The following SORBS2 variants were observed in gnomAD, a reference collection of about 807,000 sequenced individuals.
SORBS2 encodes the protein sorbin and SH3 domain-containing protein 2.
SORBS2 carries 46 observed loss-of-function variants against 97.7 expected under a neutral mutation model. The observed-to-expected ratio is 0.47, with a 90% confidence interval of 0.37 to 0.60. The LOEUF (loss-of-function observed/expected upper bound fraction) is 0.60. SORBS2 is among the 20% of genes least tolerant of loss of function. SORBS2 has a pLI of 0.00. For synonymous variants in SORBS2, 476 were observed against 473.4 expected (o/e 1.01, Z -0.07); for missense variants, 1,316 against 1,282.3 (o/e 1.03, Z -0.40).
At chr4:185,685,928 T>A (rs886573090) in intron 2 of SORBS2, among the ~76,000 whole-genome samples, 6 of 152,232 alleles carry the variant, frequency 3.9e-5, no homozygotes, top group African/African-American at 1.4e-4. Flanking sequence ...TTTAATGTGC[T>A]ATGAGAAGTT....
At chr4:185,608,951 C>G (rs2153398310) in intron 12 of SORBS2, among the ~76,000 whole-genome samples, 1 of 152,106 alleles carries the variant, frequency 6.6e-6, no homozygotes, top group African/African-American at 2.4e-5. Context: ...TAACTTTTGA[C>G]TCCTGTGTCC....
rs149315134 is a variant in SORBS2 at position 185,609,022 on chromosome 4, C to T, written c.2796+2758G>A. ...GCTTTTTTTTTTTAAGTCATCTTAT[C>T]GTGGGATGACATAAATATCACAAAA... On this transcript the variant is annotated intron_variant, in intron 12 of 14. Transcript: ENST00000418609. Among the ~76,000 whole-genome samples the T allele has an allele frequency of 4.7e-5, 7 of 150,486 alleles. No individual in the cohort carries two copies. The East Asian group carries it at 5.8e-4, about 13-fold the overall frequency.
At chr4:185,711,949 T>C (rs1396614900) in intron 2 of SORBS2, among the ~76,000 whole-genome samples, 1 of 152,122 alleles carries the variant, frequency 6.6e-6, no homozygotes, top group Admixed American at 6.5e-5. Context: ...ATTTTGCTTG[T>C]CCAGCCCCAA....
intron 2 of SORBS2, among the ~76,000 whole-genome samples, chr4:185,736,041 G>A (rs570798487): frequency 6.6e-6 from 1 of 152,210 alleles, no homozygotes; most frequent in Admixed American, 6.5e-5. Context: ...GCCGTGGACA[G>A]GTGCCAAGTC....
rs1246849923 is a variant in SORBS2 at position 185,663,735 on chromosome 4, A to C, written c.-45-1493T>G. Among the ~76,000 whole-genome samples, 4 of 152,162 alleles carry C rather than the reference A, an allele frequency of 2.6e-5. No individual in the cohort carries two copies. The South Asian group carries it at 8.3e-4, about 32-fold the overall frequency. On this transcript the variant is annotated intron_variant, in intron 4 of 20. Coordinates refer to the SORBS2 transcript ENST00000284776. ...AGCTGAAGAATCCTTCTTATTAAAA[A>C]CCATCAGGTTAACTATATTGCTAAA...
At chr4:185,613,694 T>A (rs1000609859) in intron 11 of SORBS2, among the ~76,000 whole-genome samples, 10 of 149,442 alleles carry the variant, frequency 6.7e-5, no homozygotes, top group Admixed American at 5.3e-4. Flanking sequence ...ATCTGAAAAT[T>A]GCACCGATTT....
chr4:185,698,226 A>G (rs1192347725), intron 2 of SORBS2, among the ~76,000 whole-genome samples: 1 of 152,224 alleles, frequency 6.6e-6, no homozygotes, highest in Non-Finnish European at 1.5e-5. Flanking sequence ...CTGTAATCCC[A>G]GCACTTTGGG....
intron 12 of SORBS2, among the ~76,000 whole-genome samples, chr4:185,597,314 C>T (rs1490919790): frequency 6.6e-6 from 1 of 152,124 alleles, no homozygotes; most frequent in East Asian, 1.9e-4. Context: ...GAAGGATACA[C>T]ATTTCCACAG....
At chr4:185,879,165 T>C (rs867221903) in intron 1 of SORBS2, among the ~76,000 whole-genome samples, 1,334 of 56,328 alleles carry the variant, frequency 0.024, no homozygotes, top group African/African-American at 0.06. Flanking sequence ...ATGCTATCCC[T>C]CCCCCCCCCC....
At chr4:185,809,455 CAAAAAAAAA>C (rs55713465) in intron 1 of SORBS2, among the ~76,000 whole-genome samples, 9 of 47,294 alleles carry the variant, frequency 1.9e-4, no homozygotes, top group Non-Finnish European at 2.8e-4. Context: ...ACTGCATTTG[CAAAAAAAAA>C]AAAAAAAAAA....
intron 1 of SORBS2, among the ~76,000 whole-genome samples, chr4:185,938,395 C>CAT (rs1561319521): frequency 9.2e-5 from 12 of 130,812 alleles, no homozygotes; most frequent in African/African-American, 3.9e-4. Context: ...CACATACACA[C>CAT]ACACACACAC....
At chr4:185,745,090 AGGT>A (rs2098751721) in intron 2 of SORBS2, among the ~76,000 whole-genome samples, 1 of 152,194 alleles carries the variant, frequency 6.6e-6, no homozygotes, top group African/African-American at 2.4e-5. Flanking sequence ...TGTGTGATGC[AGGT>A]GGCTTGTTCT....
intron 1 of SORBS2, among the ~76,000 whole-genome samples, chr4:185,790,312 T>C (rs77257609): frequency 0.012 from 1,758 of 152,308 alleles, 11 homozygotes; most frequent in Non-Finnish European, 0.018. Flanking sequence ...AAAATAATGA[T>C]GTATTATTCG....
chr4:185,618,941 G>T (rs1462701940), intron 8 of SORBS2, among the ~76,000 whole-genome samples: 1 of 152,118 alleles, frequency 6.6e-6, no homozygotes, highest in Non-Finnish European at 1.5e-5. Flanking sequence ...CTGTTACAAA[G>T]GCTCTTCCTA....
intron 1 of SORBS2, among the ~76,000 whole-genome samples, chr4:185,869,448 T>C (rs976070950): frequency 2.0e-5 from 3 of 152,216 alleles, no homozygotes; most frequent in Non-Finnish European, 4.4e-5. Flanking sequence ...CTTCTGTCTT[T>C]ATGCTGCTAC....
chr4:185,718,730 C>G (rs1004703425), intron 2 of SORBS2, among the ~76,000 whole-genome samples: 5 of 152,198 alleles, frequency 3.3e-5, no homozygotes, highest in Admixed American at 2.6e-4. Context: ...ATTCCAGATT[C>G]TGGTCATTAA....
rs1024459519 is a variant in SORBS2, at chr4:185,587,701, G to A, written c.2954-13C>T. The A allele has an allele frequency of 3.7e-6, 6 of 1,608,180 alleles. No homozygotes were observed. The highest frequency in any genetic ancestry group is 5.1e-6 in the Non-Finnish European group (6 of 1,175,346). On this transcript the variant is annotated splice_polypyrimidine_tract_variant and intron_variant, in intron 14 of 14. Coordinates refer to ENST00000418609, the Ensembl canonical transcript of SORBS2. The stretch of plus-strand genomic sequence containing the variant: ...CTTCTTGAGGTCCCTGAAAATAGAA[G>A]CGAGTCATGAAAGGGGGGTGACAAC...
At chr4:185,745,818 T>TAGTC (rs2098756405) in intron 2 of SORBS2, among the ~76,000 whole-genome samples, 1 of 152,190 alleles carries the variant, frequency 6.6e-6, no homozygotes, top group Admixed American at 6.5e-5. Context: ...AAAGCCTGTG[T>TAGTC]GACTGATCGC....
At chr4:185,688,658 G>A (rs1252952618) in intron 2 of SORBS2, among the ~76,000 whole-genome samples, 2 of 152,054 alleles carry the variant, frequency 1.3e-5, no homozygotes, top group African/African-American at 2.4e-5. Context: ...ATGCAGGCCA[G>A]TTTTATTGAC....
Sources: allele counts gnomAD v4.1 joint callset (sites outside exome capture counted in the v4.1 genomes callset), GRCh38; gene constraint gnomAD v4.1.1; transcripts MANE v1.5; gene names NCBI Gene and HGNC (gene_info 2026-07-23, HGNC 2026-07-21).